The following CDK14 variants were observed in gnomAD, a reference collection of about 807,000 sequenced individuals.
The protein encoded by CDK14 is cyclin-dependent kinase 14.
A neutral mutation model predicts 60.7 loss-of-function variants in CDK14; 34 were observed. The observed-to-expected ratio is 0.56, with a 90% confidence interval of 0.43 to 0.75. CDK14 has a LOEUF of 0.75. CDK14 is among the 30% of genes least tolerant of loss of function. CDK14 has a pLI of 0.00. For synonymous variants in CDK14, 197 were observed against 203.7 expected, an observed-to-expected ratio of 0.97 and a Z score of 0.28; for missense variants, 482 against 564.1, an observed-to-expected ratio of 0.85 and a Z score of 1.47.
intron 8 of CDK14, among the ~76,000 whole-genome samples, chr7:90,942,930 A>G (rs940557179): frequency 3.3e-5 from 5 of 152,178 alleles, no homozygotes; most frequent in Non-Finnish European, 7.3e-5. Context: ...GTAAAGCTGA[A>G]CAGCTGGAAG....
At chr7:90,709,309 C>G (rs1370993916) in intron 2 of CDK14, 1 of 846,494 alleles carries the variant, frequency 1.2e-6, no homozygotes, top group African/African-American at 1.8e-5. Flanking sequence ...TCTATAGGAT[C>G]CCAGATTATT....
chr7:90,622,480 A>T (rs1310280414), intron 2 of CDK14, among the ~76,000 whole-genome samples: 1 of 152,164 alleles, frequency 6.6e-6, no homozygotes, highest in East Asian at 1.9e-4. Context: ...TCAGCATGCA[A>T]TTGGGCATAA....
intron 5 of CDK14, among the ~76,000 whole-genome samples, chr7:90,817,428 G>A (rs551832136): frequency 6.6e-6 from 1 of 152,154 alleles, no homozygotes; most frequent in Non-Finnish European, 1.5e-5. Context: ...TTATCTGTGA[G>A]CTTGACACTC....
At chr7:90,941,790 G>T (rs1485270987) in intron 8 of CDK14, among the ~76,000 whole-genome samples, 3 of 152,088 alleles carry the variant, frequency 2.0e-5, no homozygotes, top group Non-Finnish European at 2.9e-5. Context: ...ATCAGGTGTT[G>T]TTCTGTTGTG....
At chr7:90,943,554 G>C (rs1793999000) in intron 8 of CDK14, among the ~76,000 whole-genome samples, 1 of 152,104 alleles carries the variant, frequency 6.6e-6, no homozygotes, top group Admixed American at 6.5e-5. Context: ...TTAAGGGCTG[G>C]TAGCTTGTAT....
intron 7 of CDK14, among the ~76,000 whole-genome samples, chr7:90,908,678 G>T (rs749840355): frequency 6.6e-5 from 10 of 152,110 alleles, no homozygotes; most frequent in Non-Finnish European, 1.3e-4. Context: ...TACACATATT[G>T]TCTTGGATAG....
intron 8 of CDK14, among the ~76,000 whole-genome samples, chr7:90,922,861 G>A (rs1356939921): frequency 1.3e-5 from 2 of 151,958 alleles, no homozygotes; most frequent in Admixed American, 1.3e-4. Flanking sequence ...TTTTTTAGAA[G>A]CGTCTTAGGT....
chr7:90,764,124 T>C (rs1181460029), intron 4 of CDK14, among the ~76,000 whole-genome samples: 1 of 152,216 alleles, frequency 6.6e-6, no homozygotes, highest in Non-Finnish European at 1.5e-5. Context: ...TTGAACAGTT[T>C]ATGAGTGCTG....
At chr7:90,704,249 C>T (rs1351485835) in intron 2 of CDK14, among the ~76,000 whole-genome samples, 2 of 152,166 alleles carry the variant, frequency 1.3e-5, no homozygotes, top group Non-Finnish European at 2.9e-5. Context: ...TCTGAAGTTC[C>T]CTTGCTATAG....
intron 2 of CDK14, among the ~76,000 whole-genome samples, chr7:90,633,703 C>T (rs1800059025): frequency 6.6e-6 from 1 of 152,172 alleles, no homozygotes; most frequent in Non-Finnish European, 1.5e-5. Flanking sequence ...CATTTAAATA[C>T]TTGGCATAAT....
rs1270316097 is a variant in CDK14, at chr7:91,064,794, G to A, written c.1106-14638G>A. 2.0e-5 allele frequency among the ~76,000 whole-genome samples: 3 copies of A among 152,170 alleles called. No individual in the cohort carries two copies. The South Asian group carries it at 6.2e-4, about 31-fold the overall frequency. ...GGATGGGGGATTTGGAAGGGGAAGG[G>A]GATGCACAGAGAGTGAGACACAACA... On this transcript the variant is annotated intron_variant, in intron 11 of 14. Coordinates refer to ENST00000380050, the MANE Select transcript of CDK14 (RefSeq NM_001287135.2).
At chr7:91,032,964 A>C (rs1407902084) in intron 10 of CDK14, among the ~76,000 whole-genome samples, 1 of 152,244 alleles carries the variant, frequency 6.6e-6, no homozygotes, top group Non-Finnish European at 1.5e-5. Context: ...TATTTAAATT[A>C]AAATTTTAAA....
At chr7:91,089,236 C>T (rs1798731803) in intron 12 of CDK14, among the ~76,000 whole-genome samples, 2 of 152,122 alleles carry the variant, frequency 1.3e-5, no homozygotes, top group Admixed American at 1.3e-4. Context: ...CTTTCTTCCC[C>T]AGCCTCTCCT....
chr7:90,824,214 T>C (rs1789643007), intron 5 of CDK14, among the ~76,000 whole-genome samples: 1 of 151,686 alleles, frequency 6.6e-6, no homozygotes, highest in African/African-American at 2.4e-5. Context: ...CTTCCTGCTT[T>C]ACATGTGTTA....
Position 91,129,263 on chromosome 7 carries a change from G to A in CDK14, c.*28+11055G>A, listed in dbSNP as rs548300945. ...GGAGGGTAAAACTGCTGGCTCCTTA[G>A]CATGAATCAAAGCAGTGACACTCTA... On this transcript the variant is annotated intron_variant, in intron 14 of 14. Coordinates refer to ENST00000380050, the MANE Select transcript of CDK14 (RefSeq NM_001287135.2). 1.2e-4 allele frequency among the ~76,000 whole-genome samples: 18 copies of A among 152,288 alleles called. No individual in the cohort carries two copies. The South Asian group carries it at 3.5e-3, about 30-fold the overall frequency.
At chr7:90,889,683 T>C (rs1792054627) in intron 6 of CDK14, among the ~76,000 whole-genome samples, 1 of 152,252 alleles carries the variant, frequency 6.6e-6, no homozygotes, top group South Asian at 2.1e-4. Context: ...TTAGGGAATA[T>C]GTATGTGGTA....
intron 10 of CDK14, among the ~76,000 whole-genome samples, chr7:91,017,365 G>A (rs146314807): frequency 6.8e-4 from 103 of 152,266 alleles, no homozygotes; most frequent in African/African-American, 2.2e-3. Flanking sequence ...TTCTTACAGG[G>A]CTCAGGACTG....
intron 4 of CDK14, among the ~76,000 whole-genome samples, chr7:90,758,828 G>A (rs1453298473): frequency 6.6e-6 from 1 of 152,198 alleles, no homozygotes; most frequent in African/African-American, 2.4e-5. Flanking sequence ...GGGCAAGGCG[G>A]GTGGATCACC....
chr7:90,963,124 T>TGTGTGTGTGTGTGTGTGTG (rs1562847414), intron 9 of CDK14, among the ~76,000 whole-genome samples: 1 of 150,560 alleles, frequency 6.6e-6, no homozygotes. Flanking sequence ...TGTGTGTGTG[T>TGTGTGTGTGTGTGTGTGTG]TTTAATTTAG....
Sources: gnomAD v4.1 joint callset for allele counts (sites outside exome capture counted in the v4.1 genomes callset) on GRCh38, gnomAD v4.1.1 for gene constraint, MANE v1.5 for transcripts, NCBI Gene and HGNC (gene_info 2026-07-23, HGNC 2026-07-21) for gene names.